Variants in PLK4 observed in about 807,000 individuals in gnomAD.
PLK4 encodes serine/threonine-protein kinase PLK4.
PLK4 carries 51 observed loss-of-function variants against 103.0 expected under a neutral mutation model. That is an observed-to-expected ratio of 0.50 (90% CI 0.40 to 0.63). The LOEUF (loss-of-function observed/expected upper bound fraction) is 0.63, where lower values mean the gene tolerates loss of function less well. PLK4 is among the 20% of genes least tolerant of loss of function. The pLI, the probability that PLK4 is intolerant of heterozygous loss-of-function variation, is 0.00. For synonymous variants in PLK4, 389 were observed against 376.8 expected (o/e 1.03, Z -0.38); for missense variants, 1,054 against 1,151.0 (o/e 0.92, Z 1.22).
intron 6 of PLK4, among the ~76,000 whole-genome samples, chr4:127,888,616 T>C (rs1041469892): frequency 1.3e-5 from 2 of 152,192 alleles, no homozygotes; most frequent in Admixed American, 1.3e-4. Context: ...TACTAAAACC[T>C]AAATATTTTT....
chr4:127,885,478 C>CAA (rs397878802), intron 4 of PLK4, among the ~76,000 whole-genome samples: 519 of 49,614 alleles, frequency 0.01, 9 homozygotes, highest in African/African-American at 0.029. Context: ...GACTCCGTCT[C>CAA]AAAAAAAAAA....
intron 9 of PLK4, 59 bp from the exon 10 acceptor site, chr4:127,892,306 T>A: frequency 1.8e-6 from 2 of 1,123,420 alleles, no homozygotes; most frequent in Admixed American, 4.9e-5. Context: ...AATAAATAGA[T>A]AAAACTGTAT....
In PLK4 at chr4:127,895,006, C is replaced by T. The variant is rs1735508245; in HGVS notation, c.2616C>T (p.Ile872=). The change falls in exon 14 of 16, where the codon ATC becomes ATT. Residue 872 remains isoleucine, a synonymous_variant. Coordinates refer to ENST00000270861, the MANE Select transcript of PLK4 (RefSeq NM_014264.5). ...CAACTACAGCTTCTGGAACAGACAT[C>T]TCTTCTAATAGTCTAAAAGATTGTC... is the stretch of plus-strand genomic sequence containing the variant. ...GLTTTASGTD[I]SSNSLKDCLP... is the part of the protein sequence containing the mutation. 1 of 1,604,662 alleles carries T rather than the reference C, an allele frequency of 6.2e-7. No individual in the cohort carries two copies. The highest frequency in any genetic ancestry group is 8.5e-7 in the Non-Finnish European group (1 of 1,172,564).
intron 1 of PLK4, 121 bp downstream of exon 1, chr4:127,881,285 G>A (rs1424127086): frequency 1.2e-5 from 19 of 1,562,790 alleles, no homozygotes; most frequent in Non-Finnish European, 1.6e-5. Context: ...GAGGTGCTTA[G>A]GGAGGGTCCC....
Position 127,893,497 on chromosome 4 carries a change from T to G in PLK4, c.2323-16T>G. 1 of 1,603,564 alleles carries G rather than the reference T, an allele frequency of 6.2e-7. No homozygotes were observed. Among genetic ancestry groups the G allele is most frequent in the African/African-American group, 1.3e-5 (1 of 74,568 alleles). ...ATAGGTGAAACAATGACAGAAGCAC[T>G]CTTCTTTTGAAATAGGGTCATCGTA... On this transcript the variant is annotated splice_polypyrimidine_tract_variant and intron_variant, in intron 11 of 15. Transcript: ENST00000270861.
rs972761713 is a variant in PLK4, at chr4:127,898,839, G to A, written c.*298G>A. The A allele has an allele frequency of 4.7e-6, 1 of 210,994 alleles. No individual in the cohort carries two copies. Among genetic ancestry groups the A allele is most frequent in the African/African-American group, 2.3e-5 (1 of 43,690 alleles). 13.1% of individuals were successfully genotyped at this position (210,994 alleles called of 1,614,324 possible). A position where few individuals can be genotyped will look rare whatever the true frequency, so the allele number is the denominator to read the frequency against. On this transcript the variant is annotated 3_prime_UTR_variant, in exon 16 of 16. Transcript: ENST00000270861. ...TTTTAAAAGCAAAAATGTAAATGAT[G>A]TGTAGTTTATTTGTGCTTTTATTGT...
chr4:127,895,796 T>C (rs909032119), intron 14 of PLK4, among the ~76,000 whole-genome samples: 1 of 152,150 alleles, frequency 6.6e-6, no homozygotes, highest in African/African-American at 2.4e-5. Context: ...AGGTGTGATG[T>C]CACGTGCCTA....
At chr4:127,891,253 A>C (rs888658465) in intron 8 of PLK4, 57 bp downstream of exon 8, 3 of 876,154 alleles carry the variant, frequency 3.4e-6, no homozygotes, top group Non-Finnish European at 5.5e-6. Context: ...AAGCACGTTT[A>C]GCATTCTAAT....
intron 15 of PLK4, 34 bp downstream of exon 15, chr4:127,896,941 C>A: frequency 9.1e-7 from 1 of 1,100,870 alleles, no homozygotes; most frequent in South Asian, 1.3e-5. Flanking sequence ...AGATTCAGCC[C>A]TTTGCTATAA....
Position 127,896,833 on chromosome 4 carries a change from T to G in PLK4, c.2736T>G (p.Asn912Lys). The part of the protein sequence containing the change: ...LTSGAVWVQF[N>K]DGSQLVVQAG... ...GTGGAGCTGTGTGGGTTCAGTTTAA[T>G]GATGGGTCCCAGTTGGTTGTGCAGG... Residue 912 changes from asparagine (N) to lysine (K), a missense_variant, in exon 15 of 16, where the codon AAT (asparagine) becomes AAG (lysine). This residue lies in a region of PLK4 where 167 missense variants were observed against 200.7 expected (regional missense o/e 0.83). Coordinates refer to ENST00000270861, the MANE Select transcript of PLK4 (RefSeq NM_014264.5). The G allele has an allele frequency of 6.2e-7, 1 of 1,612,492 alleles. No homozygotes were observed. Among genetic ancestry groups the G allele is most frequent in the Non-Finnish European group, 8.5e-7 (1 of 1,178,772 alleles).
chr4:127,898,304 ATAAT>A lies in PLK4; in HGVS notation c.2811-133_2811-130del, dbSNP rs746472842. Reference sequence around the variant, plus strand: ...TTCACTTGATTTAGGTATCTAATAAATAATTGTTATAATTTTTCTGAGGTGCCTC... The same window carrying A: ...TTCACTTGATTTAGGTATCTAATAAATGTTATAATTTTTCTGAGGTGCCTC... On this transcript the variant is annotated intron_variant, in intron 15 of 15. Coordinates refer to ENST00000270861, the MANE Select transcript of PLK4 (RefSeq NM_014264.5). The A allele has an allele frequency of 1.1e-3, 632 of 562,548 alleles. 2 individuals are homozygous for A. The highest frequency in any genetic ancestry group is 9.4e-4 in the Non-Finnish European group (300 of 317,694). 34.8% of individuals were successfully genotyped at this position (562,548 alleles called of 1,614,324 possible). A position where few individuals can be genotyped will look rare whatever the true frequency, so the allele number is the denominator to read the frequency against.
Position 127,886,012 on chromosome 4 carries a change from C to G in PLK4, c.642C>G (p.Asp214Glu). 3 of 1,614,074 alleles carry G rather than the reference C, an allele frequency of 1.9e-6. No homozygotes were observed. Among genetic ancestry groups the G allele is most frequent in the Non-Finnish European group, 2.5e-6 (3 of 1,179,910 alleles). Residue 214 changes from aspartate (D) to glutamate (E), a missense_variant, in exon 5 of 16, where the codon GAC (aspartate) becomes GAG (glutamate). Coordinates refer to ENST00000270861, the MANE Select transcript of PLK4 (RefSeq NM_014264.5). The part of the protein sequence containing the change: ...LLIGRPPFDT[D>E]TVKNTLNKVV... ...TCGGGAGACCACCCTTCGACACTGACACAGTCAAGAACACATTAAATAAAG... is the reference window on the plus strand; with the variant it reads ...TCGGGAGACCACCCTTCGACACTGAGACAGTCAAGAACACATTAAATAAAG...
At chr4:127,885,473 C>T (rs1315015148) in intron 4 of PLK4, among the ~76,000 whole-genome samples, 8 of 129,126 alleles carry the variant, frequency 6.2e-5, no homozygotes, top group African/African-American at 1.8e-4. Flanking sequence ...AGCAAGACTC[C>T]GTCTCAAAAA....
chr4:127,897,385 C>G (rs1461037830), intron 15 of PLK4, among the ~76,000 whole-genome samples: 1 of 152,164 alleles, frequency 6.6e-6, no homozygotes. Context: ...AAATATGTGT[C>G]AGGCACCAAG....
intron 14 of PLK4, among the ~76,000 whole-genome samples, chr4:127,895,452 C>CTTTTTTTTTTTTTTTTTTT (rs70966059): frequency 3.1e-5 from 2 of 65,204 alleles, no homozygotes; most frequent in Admixed American, 1.9e-4. Flanking sequence ...GAGTAACTTT[C>CTTTTTTTTTTTTTTTTTTT]TTTTTTTTTT....
At chr4:127,881,320 G>A in intron 1 of PLK4, 156 bp downstream of exon 1, 5 of 1,485,158 alleles carry the variant, frequency 3.4e-6, no homozygotes, top group Non-Finnish European at 4.5e-6. Context: ...CTGCTGTTTA[G>A]GGGCGGAGCG....
chr4:127,892,803 T>C (rs1735413443), intron 10 of PLK4: 1 of 239,446 alleles, frequency 4.2e-6, no homozygotes, highest in Admixed American at 5.4e-5. Flanking sequence ...AAATGCGCAA[T>C]GTCCTATTTC....
chr4:127,887,370 TG>T, intron 5 of PLK4, 25 bp from the exon 6 acceptor site: 1 of 1,327,284 alleles, frequency 7.5e-7, no homozygotes, highest in Non-Finnish European at 1.1e-6. Context: ...TATTAGTTTA[TG>T]GGATTTTTTT....
chr4:127,891,000 C>A, intron 7 of PLK4, 92 bp from the exon 8 acceptor site: 1 of 635,434 alleles, frequency 1.6e-6, no homozygotes, highest in South Asian at 2.6e-5. Flanking sequence ...TTTGTTTCTG[C>A]CATGGTTAAG....
Sources: allele counts gnomAD v4.1 joint callset (sites outside exome capture counted in the v4.1 genomes callset), GRCh38; gene constraint gnomAD v4.1.1; regional missense constraint gnomAD v4.1.1; transcripts MANE v1.5; gene names NCBI Gene and HGNC (gene_info 2026-07-23, HGNC 2026-07-21).